The following RAMAC variants were observed in gnomAD, a reference collection of about 807,000 sequenced individuals.
The protein encoded by RAMAC is RNA guanine-N7 methyltransferase activating subunit.
In RAMAC, 11 loss-of-function variants were observed where a neutral mutation model predicts 17.9. The ratio of observed to expected loss-of-function variants is 0.61; its 90% CI spans 0.39 to 1.02. The LOEUF is 1.02. Ranked by LOEUF, RAMAC falls within the 50% of genes least tolerant of loss-of-function variation. RAMAC has a pLI of 0.01. For missense variants in RAMAC, 109 were observed against 144.0 expected (o/e 0.76, Z 1.25); for synonymous variants, 27 against 48.4 (o/e 0.56, Z 1.84).
intron 2 of RAMAC, chr15:82,988,443 T>A (rs187466834): frequency 1.0e-4 from 18 of 179,968 alleles, no homozygotes; most frequent in Non-Finnish European, 1.9e-4. Context: ...AATATTTGCA[T>A]ATGTTTGGAG....
intron 1 of RAMAC, among the ~76,000 whole-genome samples, chr15:82,986,582 C>T (rs1229419165): frequency 6.6e-6 from 1 of 152,172 alleles, no homozygotes; most frequent in Non-Finnish European, 1.5e-5. Context: ...TGTGATGTGC[C>T]TTGAGGACGG....
chr15:82,989,786 T>C (rs916965390), intron 3 of RAMAC, 95 bp from the exon 4 acceptor site: 4 of 1,427,378 alleles, frequency 2.8e-6, no homozygotes, highest in Non-Finnish European at 3.8e-6. Context: ...ATTTATTGTG[T>C]ATTAGAATGA....
Position 82,990,083 on chromosome 15 carries a change from CT to C in RAMAC, c.*20del. 1 of 1,235,230 alleles carries C rather than the reference CT, an allele frequency of 8.1e-7. No homozygotes were observed. Among genetic ancestry groups the C allele is most frequent in the Non-Finnish European group, 1.1e-6 (1 of 919,424 alleles). The allele number at this position is 1,235,230 out of a possible 1,614,324, so 76.5% of individuals were successfully genotyped here. On this transcript the variant is annotated 3_prime_UTR_variant, in exon 4 of 4. Transcript: ENST00000304191. Reference sequence around the variant, plus strand: ...TTACTACTGATAGAAATGTTGGCAGCTTTTAGTAAAAGCATTTACTCTGTTA... The same window carrying C: ...TTACTACTGATAGAAATGTTGGCAGCTTTAGTAAAAGCATTTACTCTGTTA...
chr15:82,990,289 CT>C lies in RAMAC; in HGVS notation c.*224del. The stretch of plus-strand genomic sequence containing the variant: ...TATTGCTTGACTTCTACCTCAGAAT[CT>C]TCTTTGTTTCATGACTTAATAGTGC... On this transcript the variant is annotated 3_prime_UTR_variant, in exon 4 of 4. Transcript: ENST00000304191. 1.3e-5 allele frequency: 3 copies of C among 239,960 alleles called. No homozygotes were observed. The highest frequency in any genetic ancestry group is 1.8e-3 in the Middle Eastern group (2 of 1,094). The allele number at this position is 239,960 out of a possible 1,614,324, so 14.9% of individuals were successfully genotyped here. A position where few individuals can be genotyped will look rare whatever the true frequency, so the allele number is the denominator to read the frequency against.
In RAMAC at chr15:82,989,160, G is replaced by C. The variant is rs763072846; in HGVS notation, c.142G>C (p.Gly48Arg). 6.2e-7 allele frequency: 1 copy of C among 1,612,992 alleles called. No homozygotes were observed. Among genetic ancestry groups the C allele is most frequent in the Non-Finnish European group, 8.5e-7 (1 of 1,179,640 alleles). Residue 48 changes from glycine to arginine, a missense_variant, in exon 3 of 4, where the codon GGT becomes CGT. Transcript: ENST00000304191. ...TGTTGAGGAATGGAATAGCAGAGCTGGTGGGAACCAAAGAAACAGAGGCAA... is the reference window on the plus strand; with the variant it reads ...TGTTGAGGAATGGAATAGCAGAGCTCGTGGGAACCAAAGAAACAGAGGCAA... ...PIVEEWNSRAGGNQRNRGNRL... is the reference protein window; with the variant it reads ...PIVEEWNSRARGNQRNRGNRL...
chr15:82,988,228 G>A (rs1169640441), intron 2 of RAMAC, among the ~76,000 whole-genome samples: 4 of 152,022 alleles, frequency 2.6e-5, no homozygotes, highest in Non-Finnish European at 1.5e-5. Flanking sequence ...TACTTGGGAG[G>A]CTGAGGCAGG....
chr15:82,987,158 C>G (rs2030651845), intron 1 of RAMAC, among the ~76,000 whole-genome samples, 178 bp from the exon 2 acceptor site: 2 of 152,318 alleles, frequency 1.3e-5, no homozygotes, highest in South Asian at 2.1e-4. Context: ...ACTTCGTGAT[C>G]TGCCCGCCTC....
At position 82,989,884 on chromosome 15, in the gene RAMAC, G is replaced by T; in HGVS notation, c.174G>T (p.Leu58Phe). ...CTTTTTTGTTTTATTGTTGTAGGTT[G>T]CAAGACAACAGACAGTTCAGAGGCA... is the stretch of plus-strand genomic sequence containing the variant. ...GGNQRNRGNRLQDNRQFRGRD... is the reference protein window; with the variant it reads ...GGNQRNRGNRFQDNRQFRGRD... The change falls in exon 4 of 4, where the codon TTG (leucine) becomes TTT (phenylalanine). Residue 58 changes from leucine to phenylalanine, a missense_variant. Transcript: ENST00000304191. 2 of 1,612,816 alleles carry T rather than the reference G, an allele frequency of 1.2e-6. No homozygotes were observed. Among genetic ancestry groups the T allele is most frequent in the Non-Finnish European group, 1.7e-6 (2 of 1,179,388 alleles).
At position 82,990,757 on chromosome 15, in the gene RAMAC, A is replaced by G. The variant is rs2030824225; in HGVS notation, c.*690A>G. 4.1e-6 allele frequency: 4 copies of G among 985,012 alleles called. No homozygotes were observed. The highest frequency in any genetic ancestry group is 4.7e-6 in the Non-Finnish European group (3 of 638,946). 61.0% of individuals were successfully genotyped at this position (985,012 alleles called of 1,614,324 possible). On this transcript the variant is annotated 3_prime_UTR_variant, in exon 4 of 4. Transcript: ENST00000304191. The stretch of plus-strand genomic sequence containing the variant: ...TATACAAACACTAAAGCTTTTTGCT[A>G]ACAACATAGCAGGTCAAAATTCACA...
rs1319000334 is a variant in RAMAC at position 82,988,277 on chromosome 15, C to G, written c.-9-733C>G. Among the ~76,000 whole-genome samples, 5 of 152,136 alleles carry G rather than the reference C, an allele frequency of 3.3e-5. No individual in the cohort carries two copies. The South Asian group carries it at 8.3e-4, about 25-fold the overall frequency. ...CCTGGGAGGCAGAGGTTGCAGTGTG[C>G]TGAGATCGCGCCATTGCACTCCAAC... is the stretch of plus-strand genomic sequence containing the variant. On this transcript the variant is annotated intron_variant, in intron 2 of 3. Coordinates refer to ENST00000304191, the MANE Select transcript of RAMAC (RefSeq NM_031452.4).
Position 82,986,298 on chromosome 15 carries a change from C to G in RAMAC, c.-130C>G, listed in dbSNP as rs1320483871. The G allele has an allele frequency of 6.3e-6, 1 of 157,860 alleles. No individual in the cohort carries two copies. Among genetic ancestry groups the G allele is most frequent in the Non-Finnish European group, 1.4e-5 (1 of 73,310 alleles). The allele number at this position is 157,860 out of a possible 1,614,324, so 9.8% of individuals were successfully genotyped here. A position where few individuals can be genotyped will look rare whatever the true frequency, so the allele number is the denominator to read the frequency against. ...TTCCACGGTGTAGTGGACCAGAGGC[C>G]ACCTCTCCTGGGCTTCTCAGTGTCT... On this transcript the variant is annotated 5_prime_UTR_variant, in exon 1 of 4. Transcript: ENST00000304191.
intron 2 of RAMAC, among the ~76,000 whole-genome samples, chr15:82,987,597 A>C (rs553342058): frequency 6.6e-6 from 1 of 152,318 alleles, no homozygotes; most frequent in Non-Finnish European, 1.5e-5. Context: ...TGATCCCACT[A>C]GAATTCTAGA....
At chr15:82,989,740 T>TA (rs2030778963) in intron 3 of RAMAC, 141 bp from the exon 4 acceptor site, 4 of 1,087,480 alleles carry the variant, frequency 3.7e-6, no homozygotes. Flanking sequence ...TAACTGGCAC[T>TA]ATAACATTCT....
intron 1 of RAMAC, among the ~76,000 whole-genome samples, chr15:82,986,624 C>G (rs2030622978): frequency 6.6e-6 from 1 of 152,216 alleles, no homozygotes; most frequent in Non-Finnish European, 1.5e-5. Flanking sequence ...CAGTCTGCAT[C>G]TTCGTCTGTT....
In RAMAC at chr15:82,990,899, CA is replaced by C; in HGVS notation, c.*833del. ...TGGGCTGATTTTACAATGTTATATT[CA>C]CTTCCAGATGCATACCTCTGCTGCT... On this transcript the variant is annotated 3_prime_UTR_variant, in exon 4 of 4. Transcript: ENST00000304191. 1 of 426,222 alleles carries C rather than the reference CA, an allele frequency of 2.3e-6. No individual in the cohort carries two copies. Among genetic ancestry groups the C allele is most frequent in the Admixed American group, 3.8e-5 (1 of 26,628 alleles). 26.4% of individuals were successfully genotyped at this position (426,222 alleles called of 1,614,324 possible).
At position 82,989,880 on chromosome 15, in the gene RAMAC, G is replaced by A. The variant is rs1295957152; in HGVS notation, c.171-1G>A. 1.2e-6 allele frequency: 2 copies of A among 1,612,806 alleles called. No individual in the cohort carries two copies. Among genetic ancestry groups the A allele is most frequent in the African/African-American group, 2.7e-5 (2 of 74,760 alleles). On this transcript the variant is annotated splice_acceptor_variant, in intron 3 of 3. Transcript: ENST00000304191. LOFTEE classifies it high-confidence loss of function. ...AGATCTTTTTTGTTTTATTGTTGTA[G>A]GTTGCAAGACAACAGACAGTTCAGA... is the stretch of plus-strand genomic sequence containing the variant.
In RAMAC at chr15:82,990,756, T is replaced by TATGTTGTTAGC; in HGVS notation, c.*690_*691insTGTTGTTAGCA. ...TTATACAAACACTAAAGCTTTTTGCTAACAACATAGCAGGTCAAAATTCAC... is the reference window on the plus strand; with the variant it reads ...TTATACAAACACTAAAGCTTTTTGCTATGTTGTTAGCAACAACATAGCAGGTCAAAATTCAC... On this transcript the variant is annotated 3_prime_UTR_variant, in exon 4 of 4. Coordinates refer to ENST00000304191, the MANE Select transcript of RAMAC (RefSeq NM_031452.4). 1.0e-6 allele frequency: 1 copy of TATGTTGTTAGC among 993,378 alleles called. No homozygotes were observed. Among genetic ancestry groups the TATGTTGTTAGC allele is most frequent in the Non-Finnish European group, 1.5e-6 (1 of 646,234 alleles). The allele number at this position is 993,378 out of a possible 1,614,324, so 61.5% of individuals were successfully genotyped here. A position where few individuals can be genotyped will look rare whatever the true frequency, so the allele number is the denominator to read the frequency against.
In RAMAC at chr15:82,988,998, A is replaced by C; in HGVS notation, c.-9-12A>C. The C allele has an allele frequency of 1.3e-6, 2 of 1,579,386 alleles. No individual in the cohort carries two copies. The highest frequency in any genetic ancestry group is 1.4e-5 in the African/African-American group (1 of 73,128). On this transcript the variant is annotated splice_polypyrimidine_tract_variant and intron_variant, in intron 2 of 3. Coordinates refer to ENST00000304191, the MANE Select transcript of RAMAC (RefSeq NM_031452.4). The stretch of plus-strand genomic sequence containing the variant: ...AATTTTTTTTAATGGAAATGTCTTT[A>C]AAATTGTACAGATTTTCAGAATGAC...
In RAMAC at chr15:82,990,660, A is replaced by T. The variant is rs1330650549; in HGVS notation, c.*593A>T. 6.5e-7 allele frequency: 1 copy of T among 1,530,398 alleles called. No homozygotes were observed. The highest frequency in any genetic ancestry group is 8.9e-7 in the Non-Finnish European group (1 of 1,128,196). The allele number at this position is 1,530,398 out of a possible 1,614,324, so 94.8% of individuals were successfully genotyped here. ...AGAGGGAAATCAGTAATAAAGCTGT[A>T]AAATAAGGAAGGAATCATTGTCAGT... On this transcript the variant is annotated 3_prime_UTR_variant, in exon 4 of 4. Transcript: ENST00000304191.
Sources: allele counts gnomAD v4.1 joint callset (sites outside exome capture counted in the v4.1 genomes callset), GRCh38; gene constraint gnomAD v4.1.1; transcripts MANE v1.5; gene names NCBI Gene and HGNC (gene_info 2026-07-23, HGNC 2026-07-21).